The following PLXNA4 variants were observed in gnomAD, a reference collection of about 807,000 sequenced individuals.
PLXNA4 encodes the protein plexin A4.
A neutral mutation model predicts 191.8 loss-of-function variants in PLXNA4; 44 were observed. The ratio of observed to expected loss-of-function variants is 0.23; its 90% CI spans 0.18 to 0.29. The LOEUF (loss-of-function observed/expected upper bound fraction) is 0.29, where lower values mean the gene tolerates loss of function less well. PLXNA4 is among the 10% of genes least tolerant of loss of function. The pLI is 1.00. For missense variants in PLXNA4, 1,800 were observed against 2,488.8 expected (o/e 0.72, Z 5.89); for synonymous variants, 1,082 against 1,009.5 (o/e 1.07, Z -1.36).
intron 4 of PLXNA4, among the ~76,000 whole-genome samples, chr7:132,268,723 C>T (rs1467900879): frequency 6.6e-6 from 1 of 152,202 alleles, no homozygotes; most frequent in East Asian, 1.9e-4. Context: ...GGCTGCCAGG[C>T]TTCCTGGATG....
At chr7:132,544,527 T>C (rs1384716731) in intron 1 of PLXNA4, among the ~76,000 whole-genome samples, 1 of 151,880 alleles carries the variant, frequency 6.6e-6, no homozygotes. Context: ...CACACAGAAA[T>C]AGACTTAAGT....
intron 3 of PLXNA4, among the ~76,000 whole-genome samples, chr7:132,459,967 C>T (rs1407663080): frequency 6.9e-6 from 1 of 144,916 alleles, no homozygotes; most frequent in African/African-American, 2.5e-5. Flanking sequence ...AATTAACCTA[C>T]ACATCAGCAT....
intron 1 of PLXNA4, among the ~76,000 whole-genome samples, chr7:132,514,584 T>C (rs1325816732): frequency 6.6e-6 from 1 of 152,100 alleles, no homozygotes; most frequent in East Asian, 1.9e-4. Context: ...CTCTATAATG[T>C]GGGTGGGCCT....
At chr7:132,630,185 G>C (rs975434081) in intron 2 of PLXNA4, among the ~76,000 whole-genome samples, 1 of 152,086 alleles carries the variant, frequency 6.6e-6, no homozygotes, top group African/African-American at 2.4e-5. Flanking sequence ...AATCCTATCA[G>C]ATTAGGACCA....
chr7:132,158,119 A>G (rs1340684955), intron 25 of PLXNA4, among the ~76,000 whole-genome samples: 1 of 152,222 alleles, frequency 6.6e-6, no homozygotes, highest in East Asian at 1.9e-4. Flanking sequence ...TCAATATCCA[A>G]GCTCAGAGCA....
At chr7:132,373,225 C>T (rs1804516188) in intron 3 of PLXNA4, among the ~76,000 whole-genome samples, 1 of 152,182 alleles carries the variant, frequency 6.6e-6, no homozygotes, top group African/African-American at 2.4e-5. Context: ...GAGTCTCTAG[C>T]TGAACTTCAT....
chr7:132,608,501 A>C (rs537630575), intron 2 of PLXNA4, among the ~76,000 whole-genome samples: 1 of 152,150 alleles, frequency 6.6e-6, no homozygotes, highest in Admixed American at 6.5e-5. Context: ...CATTACAGTG[A>C]AAGTGCTCTC....
intron 3 of PLXNA4, among the ~76,000 whole-genome samples, chr7:132,449,662 G>C (rs899369682): frequency 1.3e-5 from 2 of 152,178 alleles, no homozygotes; most frequent in Non-Finnish European, 2.9e-5. Flanking sequence ...GCCACCATTG[G>C]TCATGCTTCT....
At chr7:132,180,985 G>C (rs1796684029) in intron 18 of PLXNA4, among the ~76,000 whole-genome samples, 1 of 152,218 alleles carries the variant, frequency 6.6e-6, no homozygotes, top group Admixed American at 6.5e-5. Context: ...TCAATGCAGA[G>C]TTGGAGTCAG....
At chr7:132,149,644 C>T (rs1381543361) in intron 25 of PLXNA4, among the ~76,000 whole-genome samples, 1 of 152,200 alleles carries the variant, frequency 6.6e-6, no homozygotes. Context: ...GTTTGGTTTC[C>T]AGGCAGCCCA....
intron 3 of PLXNA4, among the ~76,000 whole-genome samples, chr7:132,358,248 T>A (rs1019137673): frequency 6.6e-6 from 1 of 152,252 alleles, no homozygotes; most frequent in African/African-American, 2.4e-5. Context: ...ATGTTTGTCA[T>A]CTGTAGCAAG....
chr7:132,424,886 G>A (rs1386091960), intron 3 of PLXNA4, among the ~76,000 whole-genome samples: 2 of 152,198 alleles, frequency 1.3e-5, no homozygotes, highest in African/African-American at 4.8e-5. Context: ...TCCTGACCAT[G>A]GTGTGCCCTC....
At chr7:132,587,485 A>C (rs1488436772) in intron 2 of PLXNA4, among the ~76,000 whole-genome samples, 1 of 152,242 alleles carries the variant, frequency 6.6e-6, no homozygotes, top group African/African-American at 2.4e-5. Context: ...CACTCAAGTG[A>C]AGACTAGAGT....
intron 2 of PLXNA4, among the ~76,000 whole-genome samples, chr7:132,605,871 T>C (rs1802915012): frequency 1.3e-5 from 2 of 152,068 alleles, no homozygotes; most frequent in Non-Finnish European, 2.9e-5. Flanking sequence ...ACTGGAGCCA[T>C]GCAGATGCAG....
intron 22 of PLXNA4, 148 bp from the exon 23 acceptor site, chr7:132,165,348 T>C: frequency 4.0e-6 from 5 of 1,254,536 alleles, no homozygotes; most frequent in African/African-American, 1.5e-5. Context: ...TCCTAATGAA[T>C]ATGAGAGTTT....
chr7:132,328,881 G>T (rs989661110), intron 3 of PLXNA4, among the ~76,000 whole-genome samples: 3 of 152,176 alleles, frequency 2.0e-5, no homozygotes, highest in Non-Finnish European at 4.4e-5. Flanking sequence ...ATATGAGGAG[G>T]GGGTGTCTTC....
chr7:132,389,430 G>T (rs1162416191), intron 3 of PLXNA4, among the ~76,000 whole-genome samples: 2 of 152,176 alleles, frequency 1.3e-5, no homozygotes, highest in Non-Finnish European at 2.9e-5. Context: ...AATCCATCTT[G>T]AGTTAATTTT....
chr7:132,515,329 T>C (rs11765369), intron 1 of PLXNA4, among the ~76,000 whole-genome samples: 15,337 of 152,204 alleles, frequency 0.1, 1,075 homozygotes, highest in Non-Finnish European at 0.14. Flanking sequence ...AATGTCTCAA[T>C]TGTGTCCACT....
chr7:132,511,371 A>G (rs1798708193), intron 1 of PLXNA4, among the ~76,000 whole-genome samples: 1 of 152,234 alleles, frequency 6.6e-6, no homozygotes, highest in Non-Finnish European at 1.5e-5. Context: ...CCAGGTTTCA[A>G]TCAATGCAAA....
Sources: gnomAD v4.1 joint callset for allele counts (sites outside exome capture counted in the v4.1 genomes callset) on GRCh38, gnomAD v4.1.1 for gene constraint, MANE v1.5 for transcripts, NCBI Gene and HGNC (gene_info 2026-07-23, HGNC 2026-07-21) for gene names.